ITPKC: variants seen among roughly 807,000 people sequenced by gnomAD.
ITPKC encodes inositol-trisphosphate 3-kinase C, also known as IP3 3-kinase C.
A neutral mutation model predicts 67.1 loss-of-function variants in ITPKC; 33 were observed. The observed-to-expected ratio is 0.49, with a 90% confidence interval of 0.37 to 0.66. The LOEUF is 0.66. Among genes scored for constraint, ITPKC ranks in the 30% least tolerant of loss-of-function variants. The pLI is 0.00. For missense variants in ITPKC, 820 were observed against 892.1 expected, an observed-to-expected ratio of 0.92 and a Z score of 1.03; for synonymous variants, 341 against 359.8, an observed-to-expected ratio of 0.95 and a Z score of 0.59.
intron 3 of ITPKC, among the ~76,000 whole-genome samples, chr19:40,730,276 C>T (rs775756054): frequency 6.6e-6 from 1 of 152,084 alleles, no homozygotes; most frequent in Non-Finnish European, 1.5e-5. Flanking sequence ...CAGCTGGGTT[C>T]AGTGGCTCTC....
chr19:40,730,789 C>T (rs576257583), intron 3 of ITPKC, among the ~76,000 whole-genome samples: 5 of 152,190 alleles, frequency 3.3e-5, no homozygotes, highest in African/African-American at 9.6e-5. Flanking sequence ...CATGCTTTTC[C>T]GTTCTCACAC....
intron 4 of ITPKC, 145 bp downstream of exon 4, chr19:40,733,509 C>G: frequency 1.4e-6 from 1 of 705,966 alleles, no homozygotes. Flanking sequence ...TCTTTCTTAC[C>G]TCCATACCCA....
chr19:40,723,544 T>C (rs2082232423), intron 1 of ITPKC, among the ~76,000 whole-genome samples: 1 of 152,018 alleles, frequency 6.6e-6, no homozygotes, highest in Non-Finnish European at 1.5e-5. Flanking sequence ...TCGCCCAGGC[T>C]GGAGTGCAGT....
At chr19:40,725,201 A>G (rs2082240877) in intron 1 of ITPKC, 139 bp from the exon 2 acceptor site, 2 of 640,422 alleles carry the variant, frequency 3.1e-6, no homozygotes, top group Non-Finnish European at 5.6e-6. Context: ...CACCCCAACA[A>G]GCCTGGGAAC....
Position 40,717,508 on chromosome 19 carries a change from G to T in ITPKC, c.373G>T (p.Glu125Ter). ...CAGGTCCAGCCTCCGGACGCATCTA[G>T]AATGGAGCTGGTCAGAGCTGGAGAC... ...PDRSSLRTHLEWSWSELETTC... is the reference protein window; with the variant it reads ...PDRSSLRTHL Residue 125 changes from glutamate to a stop codon, truncating the protein, a stop_gained, in exon 1 of 7, where the codon GAA becomes TAA. Coordinates refer to ENST00000263370, the MANE Select transcript of ITPKC (RefSeq NM_025194.3). LOFTEE classifies it high-confidence loss of function. 1.9e-6 allele frequency: 3 copies of T among 1,614,142 alleles called. No individual in the cohort carries two copies. Among genetic ancestry groups the T allele is most frequent in the Non-Finnish European group, 2.5e-6 (3 of 1,180,020 alleles).
chr19:40,730,445 T>A (rs2082265567), intron 3 of ITPKC, among the ~76,000 whole-genome samples: 1 of 152,210 alleles, frequency 6.6e-6, no homozygotes, highest in Non-Finnish European at 1.5e-5. Context: ...TTATTACTCT[T>A]TTTTGAGACA....
rs371102280 is a variant in ITPKC, at chr19:40,737,639, A to G, written c.1777-59A>G. 8 of 1,457,660 alleles carry G rather than the reference A, an allele frequency of 5.5e-6. No homozygotes were observed. In the African/African-American group the frequency reaches 9.8e-5, roughly 18 times the overall value. 90.3% of individuals were successfully genotyped at this position (1,457,660 alleles called of 1,614,324 possible). On this transcript the variant is annotated intron_variant, in intron 5 of 6. Coordinates refer to ENST00000263370, the MANE Select transcript of ITPKC (RefSeq NM_025194.3). Reference sequence around the variant, plus strand: ...GGGAATGGGGTGAGGTCAGAGCTCAAGGTGGGCAAGGCCCCACAAAGTCCC... The same window carrying G: ...GGGAATGGGGTGAGGTCAGAGCTCAGGGTGGGCAAGGCCCCACAAAGTCCC...
At chr19:40,733,716 CT>C (rs2082282358) in intron 4 of ITPKC, among the ~76,000 whole-genome samples, 1 of 152,148 alleles carries the variant, frequency 6.6e-6, no homozygotes, top group South Asian at 2.1e-4. Flanking sequence ...GAAGGTTTCT[CT>C]TTTTCTTTCT....
intron 2 of ITPKC, among the ~76,000 whole-genome samples, chr19:40,725,641 A>G (rs1399660205): frequency 6.6e-6 from 1 of 152,096 alleles, no homozygotes; most frequent in Non-Finnish European, 1.5e-5. Context: ...TCTGGTGGAG[A>G]GAGGGAGCTT....
intron 4 of ITPKC, among the ~76,000 whole-genome samples, chr19:40,736,207 A>G (rs1042218976): frequency 5.9e-5 from 9 of 152,022 alleles, no homozygotes; most frequent in Non-Finnish European, 8.8e-5. Context: ...GGAGAATGGC[A>G]TGAACCCAGG....
chr19:40,732,626 C>T (rs1486408429), intron 3 of ITPKC, among the ~76,000 whole-genome samples: 1 of 151,626 alleles, frequency 6.6e-6, no homozygotes, highest in Non-Finnish European at 1.5e-5. Context: ...AACACCGGGT[C>T]TCGCTATGTT....
At chr19:40,726,437 A>T (rs1479918113) in intron 2 of ITPKC, among the ~76,000 whole-genome samples, 5 of 152,166 alleles carry the variant, frequency 3.3e-5, no homozygotes, top group Non-Finnish European at 7.3e-5. Context: ...CTAGGCCATA[A>T]ATATCTTAGG....
At chr19:40,722,063 G>T (rs890934) in intron 1 of ITPKC, among the ~76,000 whole-genome samples, 52,445 of 151,558 alleles carry the variant, frequency 0.35, 9,379 homozygotes, top group East Asian at 0.46. Flanking sequence ...AAGCATCAAA[G>T]AATGTTTCTG....
Position 40,727,638 on chromosome 19 carries a change from G to A in ITPKC, c.1256-1564G>A, listed in dbSNP as rs115609405. On this transcript the variant is annotated intron_variant, in intron 2 of 6. Transcript: ENST00000263370. ...CTGGGGTCTCAGATGGGGCTGCCAC[G>A]TGGCTTTGCCATGTAGCTCCTTGAG... 4.7e-3 allele frequency among the ~76,000 whole-genome samples: 722 copies of A among 152,246 alleles called. 9 individuals are homozygous for A. The highest frequency in any genetic ancestry group is 0.016 in the African/African-American group (684 of 41,554).
At chr19:40,735,525 G>A (rs2082290584) in intron 4 of ITPKC, among the ~76,000 whole-genome samples, 1 of 151,788 alleles carries the variant, frequency 6.6e-6, no homozygotes, top group African/African-American at 2.4e-5. Context: ...TGTGCCCCCT[G>A]GTCTGGTTGA....
chr19:40,731,583 G>C (rs1294717549), intron 3 of ITPKC, among the ~76,000 whole-genome samples: 1 of 144,594 alleles, frequency 6.9e-6, no homozygotes, highest in African/African-American at 2.6e-5. Flanking sequence ...AAGCTCCTGA[G>C]CCCAATCCTT....
At chr19:40,730,085 C>T (rs983022988) in intron 3 of ITPKC, among the ~76,000 whole-genome samples, 82 of 152,108 alleles carry the variant, frequency 5.4e-4, no homozygotes, top group South Asian at 4.1e-4. Flanking sequence ...TACAAGCGCC[C>T]GCCACCACAC....
Sources: allele counts gnomAD v4.1 joint callset (sites outside exome capture counted in the v4.1 genomes callset), GRCh38; gene constraint gnomAD v4.1.1; transcripts MANE v1.5; gene names NCBI Gene and HGNC (gene_info 2026-07-23, HGNC 2026-07-21).